PCDHGB4: variants seen among roughly 807,000 people sequenced by gnomAD.
PCDHGB4 encodes protocadherin gamma-B4.
Under a neutral mutation model 60.5 loss-of-function variants are expected in PCDHGB4, and 38 were observed. That is an observed-to-expected ratio of 0.63 (90% CI 0.48 to 0.82). The LOEUF is 0.82. Ranked by LOEUF, PCDHGB4 falls within the 40% of genes least tolerant of loss-of-function variation. PCDHGB4 has a pLI of 0.00. For missense variants in PCDHGB4, 1,109 were observed against 1,209.6 expected (o/e 0.92, Z 1.23); for synonymous variants, 456 against 509.7 (o/e 0.89, Z 1.42).
At position 141,510,984 on chromosome 5, in the gene PCDHGB4, C is replaced by T. The variant is rs375865663; in HGVS notation, c.2583C>T (p.Ala861=). The change falls in exon 4 of 4, where the codon GCC becomes GCT. Residue 861 remains alanine (A), a synonymous_variant. Coordinates refer to ENST00000519479, the MANE Select transcript of PCDHGB4 (RefSeq NM_003736.4). ...GGAGCTCCACCCTGGGAGGGGGTGC[C>T]GGCACCATGGGATTGAGCGCCCGCT... The part of the protein sequence containing the change: ...ADGSSTLGGG[A]GTMGLSARYG... 20 of 1,614,044 alleles carry T rather than the reference C, an allele frequency of 1.2e-5. No homozygotes were observed. The East Asian group carries it at 1.6e-4, about 13-fold the overall frequency.
At chr5:141,471,802 A>G (rs2154571076) in intron 1 of PCDHGB4, among the ~76,000 whole-genome samples, 1 of 152,362 alleles carries the variant, frequency 6.6e-6, no homozygotes, top group African/African-American at 2.4e-5. Context: ...TATAAAAGAC[A>G]TATAAAAGAC....
intron 1 of PCDHGB4, chr5:141,415,477 C>A (rs2095874299): frequency 1.9e-6 from 3 of 1,614,184 alleles, no homozygotes; most frequent in Non-Finnish European, 2.5e-6. Flanking sequence ...CGCGGACTCG[C>A]GAAAGAGTCA....
At position 141,476,978 on chromosome 5, in the gene PCDHGB4, C is replaced by T; in HGVS notation, c.2398-17829C>T. 2 of 1,614,256 alleles carry T rather than the reference C, an allele frequency of 1.2e-6. No homozygotes were observed. Among genetic ancestry groups the T allele is most frequent in the Non-Finnish European group, 1.7e-6 (2 of 1,180,058 alleles). ...TATTTACTCCTTCGGCAGCCACAAC[C>T]GCGCCGGCGTGCGGCAACTATTCGC... On this transcript the variant is annotated intron_variant, in intron 1 of 3. Coordinates refer to ENST00000519479, the MANE Select transcript of PCDHGB4 (RefSeq NM_003736.4). This position sits in a 1 kb window ranked among gnomAD's most constrained non-coding sequence, Gnocchi z 7.6.
chr5:141,486,091 G>A lies in PCDHGB4; in HGVS notation c.2398-8716G>A, dbSNP rs2099624256. On this transcript the variant is annotated intron_variant, in intron 1 of 3. Coordinates refer to ENST00000519479, the MANE Select transcript of PCDHGB4 (RefSeq NM_003736.4). This position sits in a 1 kb window ranked among gnomAD's most constrained non-coding sequence, Gnocchi z 5.0. ...CTACTGGAAAGCTTACTCTTTTGGGGCCCCTAGACTTTGAGAGTGAGAATT... is the reference window on the plus strand; with the variant it reads ...CTACTGGAAAGCTTACTCTTTTGGGACCCCTAGACTTTGAGAGTGAGAATT... 2 of 1,614,158 alleles carry A rather than the reference G, an allele frequency of 1.2e-6. No homozygotes were observed. Among genetic ancestry groups the A allele is most frequent in the Non-Finnish European group, 1.7e-6 (2 of 1,180,024 alleles).
At chr5:141,469,992 G>A (rs894673835) in intron 1 of PCDHGB4, among the ~76,000 whole-genome samples, 10 of 152,054 alleles carry the variant, frequency 6.6e-5, no homozygotes, top group South Asian at 2.1e-4. Context: ...TTAGCTGGTC[G>A]TCGTGGCACG....
At chr5:141,463,650 A>G (rs1206605758) in intron 1 of PCDHGB4, among the ~76,000 whole-genome samples, 1 of 151,746 alleles carries the variant, frequency 6.6e-6, no homozygotes, top group South Asian at 2.1e-4. Flanking sequence ...ACGGGGTTTC[A>G]CCGTGTTAGC....
At chr5:141,480,195 G>A (rs1350891459) in intron 1 of PCDHGB4, among the ~76,000 whole-genome samples, 1 of 151,182 alleles carries the variant, frequency 6.6e-6, no homozygotes, top group Non-Finnish European at 1.5e-5. Context: ...CTTGAGGCCA[G>A]CAGTTCAAGA....
rs780671252 is a variant in PCDHGB4, at chr5:141,398,519, C to G, written c.2397+8238C>G. 3.1e-6 allele frequency: 5 copies of G among 1,595,048 alleles called. No homozygotes were observed. The Admixed American group carries it at 6.8e-5, about 22-fold the overall frequency. On this transcript the variant is annotated intron_variant, in intron 1 of 3. Coordinates refer to ENST00000519479, the MANE Select transcript of PCDHGB4 (RefSeq NM_003736.4). ...ATCGAGGACATTAATGACCACACGC[C>G]AAAATTCACGCAAAATTCCTTTGAG...
chr5:141,444,997 A>G (rs2154560871), intron 1 of PCDHGB4, among the ~76,000 whole-genome samples: 1 of 152,292 alleles, frequency 6.6e-6, no homozygotes, highest in Admixed American at 6.5e-5. Context: ...ATATATTTCC[A>G]TTTAATTAGG....
In PCDHGB4 at chr5:141,504,261, A is replaced by AT. The variant is rs144925096; in HGVS notation, c.2457-1125dup. Among the ~76,000 whole-genome samples the AT allele has an allele frequency of 3.8e-3, 573 of 152,258 alleles. 3 individuals are homozygous for AT. The highest frequency in any genetic ancestry group is 0.012 in the African/African-American group (514 of 41,556). ...CAGAGAGTTCTTCTTATGGTTTAGT[A>AT]TTTTTTTAAATTATGAATCATTTCA... On this transcript the variant is annotated intron_variant, in intron 2 of 3. Transcript: ENST00000519479.
intron 2 of PCDHGB4, among the ~76,000 whole-genome samples, chr5:141,502,989 G>A (rs140974023): frequency 0.024 from 3,652 of 150,590 alleles, 56 homozygotes; most frequent in East Asian, 0.043. Context: ...GATTACAGGC[G>A]TGTGCCACCA....
At chr5:141,399,644 A>G (rs2093855347) in intron 1 of PCDHGB4, 2 of 1,613,810 alleles carry the variant, frequency 1.2e-6, no homozygotes, top group Non-Finnish European at 8.5e-7. Context: ...ATGAGCGCGC[A>G]AAGTGGGGTG....
intron 1 of PCDHGB4, chr5:141,399,144 T>G: frequency 6.2e-7 from 1 of 1,613,728 alleles, no homozygotes. Flanking sequence ...AAAATGACAA[T>G]AGCCCAGAAG....
At chr5:141,419,663 G>T (rs1459319505) in intron 1 of PCDHGB4, 1 of 1,612,710 alleles carries the variant, frequency 6.2e-7, no homozygotes, top group Non-Finnish European at 8.5e-7. Flanking sequence ...GGGGCACAAT[G>T]CCTGGCTGTC....
At chr5:141,465,504 G>T (rs2099104593) in intron 1 of PCDHGB4, among the ~76,000 whole-genome samples, 2 of 152,152 alleles carry the variant, frequency 1.3e-5, no homozygotes. Context: ...GCATTGTCGT[G>T]GTCAGGAAGG....
intron 1 of PCDHGB4, chr5:141,419,497 G>T (rs1357823931): frequency 9.9e-6 from 16 of 1,612,390 alleles, no homozygotes; most frequent in Non-Finnish European, 1.4e-5. Context: ...GCGCCAATGT[G>T]AGCCTGCGCG....
rs1191643556 is a variant in PCDHGB4, at chr5:141,486,302, C to T, written c.2398-8505C>T. The T allele has an allele frequency of 2.5e-6, 4 of 1,613,918 alleles. No individual in the cohort carries two copies. The highest frequency in any genetic ancestry group is 3.4e-6 in the Non-Finnish European group (4 of 1,180,002). Reference sequence around the variant, plus strand: ...GGTGGCACTTATCAGTGTGCAGGATCCAGACTCAGGGTCAAACGGAGATGT... The same window carrying T: ...GGTGGCACTTATCAGTGTGCAGGATTCAGACTCAGGGTCAAACGGAGATGT... On this transcript the variant is annotated intron_variant, in intron 1 of 3. Coordinates refer to ENST00000519479, the MANE Select transcript of PCDHGB4 (RefSeq NM_003736.4). This position sits in a 1 kb window ranked among gnomAD's most constrained non-coding sequence, Gnocchi z 5.0.
intron 1 of PCDHGB4, among the ~76,000 whole-genome samples, chr5:141,488,697 A>T (rs1337725245): frequency 6.6e-6 from 1 of 152,162 alleles, no homozygotes; most frequent in Non-Finnish European, 1.5e-5. Context: ...GAAGGACAAG[A>T]TTTTGCTGGT....
At chr5:141,394,840 G>A in intron 1 of PCDHGB4, 3 of 1,613,834 alleles carry the variant, frequency 1.9e-6, no homozygotes, top group Non-Finnish European at 2.5e-6. Context: ...ACCGAGTTGG[G>A]CAGTCTGAAG....
Sources: allele counts gnomAD v4.1 joint callset (sites outside exome capture counted in the v4.1 genomes callset), GRCh38; gene constraint gnomAD v4.1.1; non-coding constraint Gnocchi (gnomAD v3.1); transcripts MANE v1.5; gene names NCBI Gene and HGNC (gene_info 2026-07-23, HGNC 2026-07-21).